SPEF2: variants seen among roughly 807,000 people sequenced by gnomAD.
SPEF2 encodes sperm flagellar and cilia associated 2.
A neutral mutation model predicts 224.6 loss-of-function variants in SPEF2; 187 were observed. The ratio of observed to expected loss-of-function variants is 0.83; its 90% CI spans 0.74 to 0.94. The LOEUF (loss-of-function observed/expected upper bound fraction) is 0.94. Ranked by LOEUF, SPEF2 falls within the 40% of genes least tolerant of loss-of-function variation. The pLI is 0.00. For synonymous variants in SPEF2, 715 were observed against 707.3 expected (o/e 1.01, Z -0.17); for missense variants, 2,170 against 2,135.6 (o/e 1.02, Z -0.32).
At chr5:35,708,706 A>ATCATCACCTCTAT (rs1561236742) in intron 18 of SPEF2, among the ~76,000 whole-genome samples, 88 of 7,402 alleles carry the variant, frequency 0.012, no homozygotes, top group Admixed American at 0.018. Flanking sequence ...CATCACCACC[A>ATCATCACCTCTAT]CTACCCATCA....
chr5:35,788,294 A>G (rs982851378), intron 30 of SPEF2: 2 of 702,886 alleles, frequency 2.8e-6, no homozygotes, highest in African/African-American at 3.5e-5. Context: ...ACGTCCCCTC[A>G]AAGATTTTAT....
chr5:35,670,438 G>C (rs1751082867), intron 10 of SPEF2: 1 of 1,190,984 alleles, frequency 8.4e-7, no homozygotes, highest in Non-Finnish European at 1.0e-6. Context: ...AATCTTAGGG[G>C]AGTGGTCTGA....
intron 19 of SPEF2, 53 bp from the exon 20 acceptor site, chr5:35,712,759 C>G (rs775855236): frequency 6.4e-7 from 1 of 1,557,530 alleles, no homozygotes; most frequent in South Asian, 1.1e-5. Context: ...ATCATATAGC[C>G]CAGGCTATTG....
At chr5:35,710,061 T>C (rs1263452002) in intron 19 of SPEF2, 4 of 982,526 alleles carry the variant, frequency 4.1e-6, no homozygotes, top group African/African-American at 3.5e-5. Flanking sequence ...TATTATGATA[T>C]ATTAAAGACC....
rs1396772649 is a variant in SPEF2 at position 35,657,492 on chromosome 5, G to A, written c.979-1527G>A. ...GTCACTGGGTATGGAATGGAATCGG[G>A]GGGGTGGTTTAAAAACATACCTAGG... On this transcript the variant is annotated intron_variant, in intron 7 of 36. Coordinates refer to ENST00000356031, the MANE Select transcript of SPEF2 (RefSeq NM_024867.4). Among the ~76,000 whole-genome samples the A allele has an allele frequency of 2.6e-5, 4 of 152,016 alleles. No homozygotes were observed. The East Asian group carries it at 7.7e-4, about 29-fold the overall frequency.
At chr5:35,710,407 A>G in intron 19 of SPEF2, 1 of 528,306 alleles carries the variant, frequency 1.9e-6, no homozygotes, top group Non-Finnish European at 2.4e-6. Context: ...AAATACAAAA[A>G]TTAGCTGGGC....
chr5:35,648,190 T>A (rs1033850844), intron 5 of SPEF2, among the ~76,000 whole-genome samples: 1 of 152,178 alleles, frequency 6.6e-6, no homozygotes, highest in Non-Finnish European at 1.5e-5. Context: ...AAGCAGAGAT[T>A]GACAGATCTC....
At chr5:35,811,128 G>C (rs909953968) in intron 36 of SPEF2, among the ~76,000 whole-genome samples, 2 of 150,914 alleles carry the variant, frequency 1.3e-5, no homozygotes, top group African/African-American at 4.9e-5. Context: ...AAAAACAAAA[G>C]AAATGAAGGA....
chr5:35,657,009 T>C (rs1424212510), intron 7 of SPEF2, among the ~76,000 whole-genome samples: 1 of 152,252 alleles, frequency 6.6e-6, no homozygotes, highest in East Asian at 1.9e-4. Context: ...GAAATTCTTA[T>C]GTGTACAATG....
At chr5:35,680,178 T>C (rs1752587957) in intron 10 of SPEF2, among the ~76,000 whole-genome samples, 1 of 152,204 alleles carries the variant, frequency 6.6e-6, no homozygotes, top group South Asian at 2.1e-4. Flanking sequence ...AAACTGTTTT[T>C]CATATATTAC....
intron 32 of SPEF2, 25 bp from the exon 33 acceptor site, chr5:35,795,678 A>G: frequency 6.3e-7 from 1 of 1,599,126 alleles, no homozygotes; most frequent in Non-Finnish European, 8.5e-7. Context: ...TACTTTAACA[A>G]TTTTCATTTT....
At chr5:35,728,365 G>T (rs114351484) in intron 21 of SPEF2, among the ~76,000 whole-genome samples, 6,147 of 152,236 alleles carry the variant, frequency 0.04, 164 homozygotes, top group Non-Finnish European at 0.052. Flanking sequence ...AACTCGCAAG[G>T]CCCAGTTGCC....
intron 23 of SPEF2, 29 bp from the exon 24 acceptor site, chr5:35,753,595 T>C: frequency 6.2e-7 from 1 of 1,613,322 alleles, no homozygotes. Context: ...ATCTAAAGCA[T>C]AGCCACCATG....
chr5:35,703,482 G>T (rs1167603848), intron 16 of SPEF2, among the ~76,000 whole-genome samples: 1 of 152,084 alleles, frequency 6.6e-6, no homozygotes, highest in Non-Finnish European at 1.5e-5. Flanking sequence ...TTTGTGGTAG[G>T]AGTATAGGTC....
chr5:35,762,453 T>A (rs1751439927), intron 25 of SPEF2, among the ~76,000 whole-genome samples: 1 of 152,180 alleles, frequency 6.6e-6, no homozygotes, highest in African/African-American at 2.4e-5. Context: ...AAAATGTAAT[T>A]TAATTTGTGG....
intron 30 of SPEF2, chr5:35,790,498 C>A: frequency 2.4e-6 from 1 of 424,958 alleles, no homozygotes; most frequent in South Asian, 8.7e-5. Flanking sequence ...CTCTTCACAT[C>A]AAACAAAAGG....
chr5:35,692,767 G>C, intron 12 of SPEF2, 43 bp downstream of exon 12: 1 of 1,576,530 alleles, frequency 6.3e-7, no homozygotes, highest in Non-Finnish European at 8.6e-7. Context: ...TAGTACATTA[G>C]AGATTTGGAG....
At chr5:35,802,848 C>T (rs988734195) in intron 34 of SPEF2, among the ~76,000 whole-genome samples, 2 of 152,150 alleles carry the variant, frequency 1.3e-5, no homozygotes, top group African/African-American at 2.4e-5. Context: ...AGCTTTAACT[C>T]TATGCAGGAT....
chr5:35,701,535 C>T (rs1738640254), intron 16 of SPEF2, among the ~76,000 whole-genome samples: 1 of 152,106 alleles, frequency 6.6e-6, no homozygotes, highest in South Asian at 2.1e-4. Flanking sequence ...CAAATGATTG[C>T]CTTCACATCA....
Sources: allele counts gnomAD v4.1 joint callset (sites outside exome capture counted in the v4.1 genomes callset), GRCh38; gene constraint gnomAD v4.1.1; transcripts MANE v1.5; gene names NCBI Gene and HGNC (gene_info 2026-07-23, HGNC 2026-07-21).